The following OPCML variants were observed in gnomAD, a reference collection of about 807,000 sequenced individuals.
OPCML encodes the protein opioid binding protein/cell adhesion molecule like, also known as opioid-binding protein/cell adhesion molecule.
A neutral mutation model predicts 37.8 loss-of-function variants in OPCML; 13 were observed. The ratio of observed to expected loss-of-function variants is 0.34; its 90% CI spans 0.22 to 0.55. The LOEUF is 0.55. Among genes scored for constraint, OPCML ranks in the 20% least tolerant of loss-of-function variants. OPCML has a pLI of 0.91. For missense variants in OPCML, 341 were observed against 435.6 expected, an observed-to-expected ratio of 0.78 and a Z score of 1.93; for synonymous variants, 176 against 168.8, an observed-to-expected ratio of 1.04 and a Z score of -0.33.
intron 1 of OPCML, among the ~76,000 whole-genome samples, chr11:133,172,627 GAC>G (rs1332294336): frequency 1.3e-5 from 2 of 152,082 alleles, no homozygotes; most frequent in African/African-American, 4.8e-5. Flanking sequence ...AGACAGTGGC[GAC>G]ACAGTCAGAT....
intron 2 of OPCML, among the ~76,000 whole-genome samples, chr11:132,903,227 G>A (rs1474173826): frequency 1.3e-5 from 2 of 152,132 alleles, no homozygotes; most frequent in Admixed American, 1.3e-4. Context: ...GCTACAAAGA[G>A]GGCAGAAGGG....
intron 1 of OPCML, among the ~76,000 whole-genome samples, chr11:133,414,490 G>T (rs555571777): frequency 6.6e-6 from 1 of 152,220 alleles, no homozygotes; most frequent in Middle Eastern, 3.4e-3. Flanking sequence ...GTGGGCTGTT[G>T]TCAGCTATAG....
At chr11:133,150,190 T>A (rs1438022946) in intron 1 of OPCML, among the ~76,000 whole-genome samples, 1 of 152,262 alleles carries the variant, frequency 6.6e-6, no homozygotes, top group Non-Finnish European at 1.5e-5. Context: ...CCTCCAGATA[T>A]ATCAGGTGCC....
intron 1 of OPCML, among the ~76,000 whole-genome samples, chr11:133,171,795 G>C (rs1188738766): frequency 6.6e-6 from 1 of 152,224 alleles, no homozygotes; most frequent in Non-Finnish European, 1.5e-5. Context: ...AAGGGTGGGG[G>C]CTGGAAGAAT....
At chr11:133,025,081 T>C in intron 1 of OPCML, 1 of 875,680 alleles carries the variant, frequency 1.1e-6, no homozygotes, top group Non-Finnish European at 1.4e-6. Flanking sequence ...TATGTATAGA[T>C]AAGCCTAGAG....
chr11:132,616,030 C>T (rs1938988062), intron 3 of OPCML, among the ~76,000 whole-genome samples: 2 of 152,112 alleles, frequency 1.3e-5, no homozygotes, highest in South Asian at 4.1e-4. Context: ...TTTCCCAACA[C>T]CTATTTGGGC....
At chr11:132,706,745 T>C (rs1162782628) in intron 2 of OPCML, among the ~76,000 whole-genome samples, 4 of 152,186 alleles carry the variant, frequency 2.6e-5, no homozygotes, top group African/African-American at 9.7e-5. Context: ...GTAAGTCAAT[T>C]TGAGGTGTCT....
At chr11:133,347,085 A>C (rs1944019958) in intron 1 of OPCML, among the ~76,000 whole-genome samples, 1 of 152,190 alleles carries the variant, frequency 6.6e-6, no homozygotes, top group Admixed American at 6.5e-5. Context: ...ACAAAGTTGC[A>C]TTTTTATTTA....
intron 1 of OPCML, among the ~76,000 whole-genome samples, chr11:133,326,423 A>G (rs1456440725): frequency 8.5e-6 from 1 of 117,102 alleles, no homozygotes; most frequent in Non-Finnish European, 1.7e-5. Flanking sequence ...GTGGATATGC[A>G]TGTGTGTGGG....
intron 1 of OPCML, among the ~76,000 whole-genome samples, chr11:132,967,536 C>G (rs563673014): frequency 6.6e-6 from 1 of 152,176 alleles, no homozygotes; most frequent in African/African-American, 2.4e-5. Flanking sequence ...TTTCATTACT[C>G]TAATAAAAGT....
intron 3 of OPCML, among the ~76,000 whole-genome samples, chr11:132,606,337 C>T (rs1197042808): frequency 1.3e-5 from 2 of 152,176 alleles, no homozygotes; most frequent in Non-Finnish European, 2.9e-5. Context: ...AGACGCTCGT[C>T]CTGTCCCACG....
At chr11:133,052,289 T>A (rs1948146139) in intron 1 of OPCML, among the ~76,000 whole-genome samples, 1 of 152,146 alleles carries the variant, frequency 6.6e-6, no homozygotes, top group Non-Finnish European at 1.5e-5. Context: ...CTAAATCAAG[T>A]GAAACAGACC....
chr11:132,554,733 T>G (rs542362192), intron 3 of OPCML, among the ~76,000 whole-genome samples: 1 of 152,252 alleles, frequency 6.6e-6, no homozygotes, highest in East Asian at 1.9e-4. Flanking sequence ...GGAGTTTGCC[T>G]AATACAAAGG....
At chr11:133,036,201 G>A (rs2063126840) in intron 1 of OPCML, among the ~76,000 whole-genome samples, 1 of 152,166 alleles carries the variant, frequency 6.6e-6, no homozygotes, top group Non-Finnish European at 1.5e-5. Flanking sequence ...TGCTTTAAAG[G>A]GTTGCTGCTT....
intron 1 of OPCML, among the ~76,000 whole-genome samples, chr11:133,291,373 G>T (rs535960955): frequency 1.3e-5 from 2 of 152,282 alleles, no homozygotes; most frequent in Admixed American, 1.3e-4. Flanking sequence ...CGAGAGATGA[G>T]CCCTGCGTCC....
At chr11:133,035,178 C>T (rs1947755342) in intron 1 of OPCML, among the ~76,000 whole-genome samples, 1 of 152,186 alleles carries the variant, frequency 6.6e-6, no homozygotes, top group African/African-American at 2.4e-5. Context: ...TGACTGCAGC[C>T]AGCCCGACAG....
chr11:132,680,562 G>A (rs989835287), intron 2 of OPCML, among the ~76,000 whole-genome samples: 6 of 152,210 alleles, frequency 3.9e-5, no homozygotes, highest in Non-Finnish European at 8.8e-5. Context: ...GCGCAGTCAA[G>A]TAAGAAGATG....
At chr11:132,539,528 C>A (rs74791638) in intron 3 of OPCML, among the ~76,000 whole-genome samples, 37,599 of 151,230 alleles carry the variant, frequency 0.25, 5,925 homozygotes, top group East Asian at 0.44. Context: ...GCTGCTGCTG[C>A]TGCTGATGAT....
intron 3 of OPCML, among the ~76,000 whole-genome samples, chr11:132,605,416 T>C (rs1938219388): frequency 6.6e-6 from 1 of 150,448 alleles, no homozygotes; most frequent in African/African-American, 2.4e-5. Context: ...AAAAAAAAGT[T>C]AGCTGAGTGT....
Sources: allele counts gnomAD v4.1 joint callset (sites outside exome capture counted in the v4.1 genomes callset), GRCh38; gene constraint gnomAD v4.1.1; transcripts MANE v1.5; gene names NCBI Gene and HGNC (gene_info 2026-07-23, HGNC 2026-07-21).